Variants in RASA1 observed in about 807,000 individuals in gnomAD.
RASA1 encodes ras GTPase-activating protein 1.
A neutral mutation model predicts 132.2 loss-of-function variants in RASA1; 25 were observed. The ratio of observed to expected loss-of-function variants is 0.19; its 90% confidence interval spans 0.14 to 0.26. RASA1 has a LOEUF of 0.26. Ranked by LOEUF, RASA1 falls within the 10% of genes least tolerant of loss-of-function variation. RASA1 has a pLI of 1.00. For synonymous variants in RASA1, 477 were observed against 449.9 expected, an observed-to-expected ratio of 1.06 and a Z score of -0.76; for missense variants, 964 against 1,299.2, an observed-to-expected ratio of 0.74 and a Z score of 3.97.
At position 87,374,463 on chromosome 5, in the gene RASA1, T is replaced by A. The variant is rs201496266; in HGVS notation, c.1934+143T>A. 1,515 of 286,576 alleles carry A rather than the reference T, an allele frequency of 5.3e-3. 6 individuals are homozygous for A. The highest frequency in any genetic ancestry group is 0.013 in the African/African-American group (563 of 42,196). 17.8% of individuals were successfully genotyped at this position (286,576 alleles called of 1,614,324 possible). A position where few individuals can be genotyped will look rare whatever the true frequency, so the allele number is the denominator to read the frequency against. ...ATAGCATATATATATATATATATTT[T>A]TTTTTTTTTTTTCTGTTGTTTGTTC... On this transcript the variant is annotated intron_variant, in intron 14 of 24. Transcript: ENST00000274376.
chr5:87,352,495 AT>A (rs1458281037), intron 8 of RASA1, among the ~76,000 whole-genome samples: 5 of 151,788 alleles, frequency 3.3e-5, no homozygotes, highest in Non-Finnish European at 5.9e-5. Flanking sequence ...ACAACTTTAT[AT>A]TTAAAAAAAT....
At chr5:87,328,396 TG>T in intron 1 of RASA1, among the ~76,000 whole-genome samples, 1 of 152,184 alleles carries the variant, frequency 6.6e-6, no homozygotes, top group Non-Finnish European at 1.5e-5. Flanking sequence ...GCTTTGACTG[TG>T]AAGACTTAAG....
intron 3 of RASA1, 71 bp downstream of exon 3, chr5:87,332,713 C>A: frequency 2.1e-6 from 3 of 1,405,976 alleles, no homozygotes; most frequent in South Asian, 2.5e-5. Flanking sequence ...AGCTATTGCT[C>A]AGTTTCTTAT....
chr5:87,285,623 T>C (rs906236233), intron 1 of RASA1, among the ~76,000 whole-genome samples: 6 of 148,388 alleles, frequency 4.0e-5, no homozygotes, highest in East Asian at 2.0e-4. Context: ...TTTTTCTTTT[T>C]TTTTTTTTTT....
chr5:87,354,358 A>G (rs550678268), intron 9 of RASA1, among the ~76,000 whole-genome samples: 41 of 152,212 alleles, frequency 2.7e-4, no homozygotes, highest in Non-Finnish European at 5.1e-4. Context: ...TCTTAGTGTC[A>G]CATTTTGGTA....
intron 1 of RASA1, among the ~76,000 whole-genome samples, chr5:87,286,954 CATACCATATATACACCATATAT>C (rs1329275428): frequency 5.4e-5 from 8 of 146,894 alleles, no homozygotes; most frequent in Admixed American, 1.4e-4. Flanking sequence ...CATATATATA[CATACCATATATACACCATATAT>C]ATACCATATA....
Position 87,363,496 on chromosome 5 carries a change from C to T in RASA1, c.1602C>T (p.Leu534=). 2 of 1,611,640 alleles carry T rather than the reference C, an allele frequency of 1.2e-6. No individual in the cohort carries two copies. Among genetic ancestry groups the T allele is most frequent in the Non-Finnish European group, 1.7e-6 (2 of 1,178,188 alleles). The change falls in exon 11 of 25, where the codon CTC becomes CTT. Residue 534 remains leucine (L), a synonymous_variant. Coordinates refer to ENST00000274376, the MANE Select transcript of RASA1 (RefSeq NM_002890.3). ...CTGTCTATGTCGTTCATGATAGTCT[C>T]TTTGGCAGGTAAGAGACTGGTTTCC... The part of the protein sequence containing the change: ...VCSVYVVHDS[L]FGRPNCFQIV...
intron 1 of RASA1, among the ~76,000 whole-genome samples, chr5:87,312,850 G>A (rs1000747442): frequency 2.0e-5 from 3 of 152,000 alleles, no homozygotes; most frequent in South Asian, 4.1e-4. Context: ...TAAATCTTTC[G>A]CTATCAGAGA....
In RASA1 at chr5:87,267,941, C is replaced by T; in HGVS notation, c.-511C>T. 2.5e-6 allele frequency: 1 copy of T among 392,320 alleles called. No homozygotes were observed. 24.3% of individuals were successfully genotyped at this position (392,320 alleles called of 1,614,324 possible). ...GTCGATTTCCTCGTTACCCCGCCCC[C>T]CTTTCTCTTGCCCCCCCACCCCTCT... On this transcript the variant is annotated 5_prime_UTR_variant, in exon 1 of 25. Transcript: ENST00000274376.
At chr5:87,280,214 C>T (rs951386585) in intron 1 of RASA1, among the ~76,000 whole-genome samples, 1 of 152,182 alleles carries the variant, frequency 6.6e-6, no homozygotes, top group African/African-American at 2.4e-5. Flanking sequence ...ACAGACACAC[C>T]CAGAAACAAT....
chr5:87,372,357 A>G (rs1474553868), intron 13 of RASA1, among the ~76,000 whole-genome samples, 162 bp downstream of exon 13: 1 of 152,172 alleles, frequency 6.6e-6, no homozygotes, highest in Non-Finnish European at 1.5e-5. Context: ...ATGAAAGAGA[A>G]TGTTCTTTCT....
intron 21 of RASA1, 78 bp downstream of exon 21, chr5:87,383,858 TC>T (rs1295197476): frequency 2.0e-4 from 238 of 1,200,350 alleles, no homozygotes; most frequent in Non-Finnish European, 5.1e-5. Context: ...TACTCTTAAA[TC>T]TTTTTTTTTT....
chr5:87,269,075 T>C, intron 1 of RASA1, 85 bp downstream of exon 1: 1 of 1,613,992 alleles, frequency 6.2e-7, no homozygotes, highest in Non-Finnish European at 8.5e-7. Flanking sequence ...ACTTTGTCCT[T>C]TTCATCTGTG....
Position 87,333,398 on chromosome 5 carries a change from T to TA in RASA1, c.899+62dup, listed in dbSNP as rs1266393410. The TA allele has an allele frequency of 1.9e-6, 3 of 1,600,008 alleles. No homozygotes were observed. The Admixed American group carries it at 5.2e-5, about 28-fold the overall frequency. Reference sequence around the variant, plus strand: ...AAAGAGCTAGACTTCGAAGATTTATTACTCTTGGACTAGGAAGCTTTTGAA... The same window carrying TA: ...AAAGAGCTAGACTTCGAAGATTTATTAACTCTTGGACTAGGAAGCTTTTGAA... On this transcript the variant is annotated intron_variant, in intron 4 of 24. Transcript: ENST00000274376.
At chr5:87,354,398 AT>A (rs977049298) in intron 9 of RASA1, among the ~76,000 whole-genome samples, 2 of 152,008 alleles carry the variant, frequency 1.3e-5, no homozygotes, top group African/African-American at 2.4e-5. Context: ...CTTTTTCACT[AT>A]TATATGTTAT....
chr5:87,361,667 G>C (rs946835895), intron 9 of RASA1, among the ~76,000 whole-genome samples: 1 of 152,104 alleles, frequency 6.6e-6, no homozygotes, highest in Non-Finnish European at 1.5e-5. Context: ...AGCAATTAAT[G>C]TAAGTTCTGC....
At chr5:87,314,558 C>T (rs1457835082) in intron 1 of RASA1, among the ~76,000 whole-genome samples, 1 of 152,088 alleles carries the variant, frequency 6.6e-6, no homozygotes, top group Non-Finnish European at 1.5e-5. Flanking sequence ...GTCAGAGATA[C>T]TGATGAGAAG....
At chr5:87,348,802 A>C (rs1759048349) in intron 7 of RASA1, among the ~76,000 whole-genome samples, 1 of 148,448 alleles carries the variant, frequency 6.7e-6, no homozygotes. Context: ...TTGATTAAGC[A>C]CAGAGTATTC....
At chr5:87,385,590 CATTATAGAAAACGA>C (rs1277960199) in intron 22 of RASA1, among the ~76,000 whole-genome samples, 2 of 152,036 alleles carry the variant, frequency 1.3e-5, no homozygotes, top group Non-Finnish European at 2.9e-5. Context: ...CAAATTTAGC[CATTATAGAAAACGA>C]ATTTTTCAAG....
Sources: allele counts gnomAD v4.1 joint callset (sites outside exome capture counted in the v4.1 genomes callset), GRCh38; gene constraint gnomAD v4.1.1; transcripts MANE v1.5; gene names NCBI Gene and HGNC (gene_info 2026-07-23, HGNC 2026-07-21).